Variants in MYRIP observed in about 807,000 individuals in gnomAD.
The protein encoded by MYRIP is myosin VIIA and Rab interacting protein.
MYRIP carries 49 observed loss-of-function variants against 98.0 expected under a neutral mutation model. That is an observed-to-expected ratio of 0.50 (90% CI 0.40 to 0.63). The LOEUF (loss-of-function observed/expected upper bound fraction) is 0.63, where lower values mean the gene tolerates loss of function less well. Among genes scored for constraint, MYRIP ranks in the 30% least tolerant of loss-of-function variants. MYRIP has a pLI of 0.00. For missense variants in MYRIP, 1,004 were observed against 1,058.2 expected (o/e 0.95, Z 0.71); for synonymous variants, 404 against 409.5 (o/e 0.99, Z 0.16).
At chr3:40,065,627 G>T (rs541651950) in intron 3 of MYRIP, among the ~76,000 whole-genome samples, 2 of 152,180 alleles carry the variant, frequency 1.3e-5, no homozygotes, top group Non-Finnish European at 2.9e-5. Context: ...TGTTACATAG[G>T]CATGTGACAT....
At chr3:40,232,524 A>T (rs1403876349) in intron 11 of MYRIP, among the ~76,000 whole-genome samples, 1 of 152,236 alleles carries the variant, frequency 6.6e-6, no homozygotes, top group African/African-American at 2.4e-5. Context: ...TGGGTCAGAT[A>T]GGTACCTTGG....
At chr3:39,904,528 G>A (rs569784764) in intron 2 of MYRIP, among the ~76,000 whole-genome samples, 17 of 152,090 alleles carry the variant, frequency 1.1e-4, no homozygotes, top group Non-Finnish European at 2.1e-4. Context: ...GAGCCACTGC[G>A]CCTGGTCGTG....
At position 40,084,136 on chromosome 3, in the gene MYRIP, C is replaced by CAAAA. The variant is rs753167019; in HGVS notation, c.332+39890_332+39893dup. 7.3e-4 allele frequency among the ~76,000 whole-genome samples: 40 copies of CAAAA among 55,074 alleles called. 2 individuals are homozygous for CAAAA. Among genetic ancestry groups the CAAAA allele is most frequent in the African/African-American group, 3.0e-3 (37 of 12,432 alleles). 36.1% of individuals were successfully genotyped at this position (55,074 alleles called of 152,430 possible). A position where few individuals can be genotyped will look rare whatever the true frequency, so the allele number is the denominator to read the frequency against. ...TGGGCAACAGATCGAGACTCCATCT[C>CAAAA]AAAAAAAAAAAAAAAAAAAAAAAAA... On this transcript the variant is annotated intron_variant, in intron 3 of 16. Transcript: ENST00000302541.
chr3:39,978,512 T>C (rs561338128), intron 2 of MYRIP, among the ~76,000 whole-genome samples: 2 of 152,346 alleles, frequency 1.3e-5, no homozygotes, highest in African/African-American at 4.8e-5. Flanking sequence ...AAATGCATCC[T>C]GTCTCTCTCA....
chr3:39,918,738 TG>T (rs1261884286), intron 2 of MYRIP, among the ~76,000 whole-genome samples: 1 of 152,152 alleles, frequency 6.6e-6, no homozygotes, highest in Admixed American at 6.5e-5. Context: ...ACAGAAAGAA[TG>T]GGGACTCAGA....
chr3:40,167,967 T>C (rs560387014), intron 7 of MYRIP, among the ~76,000 whole-genome samples: 2 of 152,332 alleles, frequency 1.3e-5, no homozygotes, highest in East Asian at 3.9e-4. Context: ...AAGGTTTCTG[T>C]GCCTTGTTGT....
intron 4 of MYRIP, among the ~76,000 whole-genome samples, chr3:40,161,949 G>C (rs1237485745): frequency 6.6e-6 from 1 of 152,060 alleles, no homozygotes; most frequent in Non-Finnish European, 1.5e-5. Flanking sequence ...TGTGTCCCCA[G>C]GTCACCTCAC....
Position 40,136,336 on chromosome 3 carries a change from A to G in MYRIP, c.333-14712A>G, listed in dbSNP as rs564484530. ...ATCAATTCAACAAGAAGAACTAACT[A>G]TCCTAAATATATATGCACCCAATAC... is the stretch of plus-strand genomic sequence containing the variant. On this transcript the variant is annotated intron_variant, in intron 3 of 16. Coordinates refer to ENST00000302541, the MANE Select transcript of MYRIP (RefSeq NM_015460.4). 1.3e-4 allele frequency among the ~76,000 whole-genome samples: 20 copies of G among 152,342 alleles called. No individual in the cohort carries two copies. In the East Asian group the frequency reaches 3.9e-3, roughly 29 times the overall value.
intron 2 of MYRIP, among the ~76,000 whole-genome samples, chr3:40,022,391 T>G (rs181810913): frequency 6.6e-6 from 1 of 152,104 alleles, no homozygotes; most frequent in East Asian, 1.9e-4. Context: ...GAAATGTGAG[T>G]CTTCAAGGAA....
intron 8 of MYRIP, among the ~76,000 whole-genome samples, chr3:40,180,106 T>G (rs1322580114): frequency 6.6e-6 from 1 of 152,170 alleles, no homozygotes; most frequent in Non-Finnish European, 1.5e-5. Flanking sequence ...GGGTCAGTGC[T>G]TGCTGTGCCC....
At chr3:39,990,539 T>C (rs1341622087) in intron 2 of MYRIP, among the ~76,000 whole-genome samples, 1 of 152,182 alleles carries the variant, frequency 6.6e-6, no homozygotes, top group East Asian at 1.9e-4. Context: ...GTCTATTAGG[T>C]ATCTGGAAAA....
chr3:40,019,855 C>G (rs1946952334), intron 2 of MYRIP, among the ~76,000 whole-genome samples: 1 of 151,858 alleles, frequency 6.6e-6, no homozygotes, highest in South Asian at 2.1e-4. Flanking sequence ...GGAAAGAAAA[C>G]TTTTTGGGCA....
intron 2 of MYRIP, among the ~76,000 whole-genome samples, chr3:40,005,763 A>T (rs564001822): frequency 1.3e-5 from 2 of 152,228 alleles, no homozygotes; most frequent in South Asian, 2.1e-4. Context: ...AACACCATAT[A>T]TATAATATCA....
intron 2 of MYRIP, among the ~76,000 whole-genome samples, chr3:39,922,488 T>C (rs1575381886): frequency 6.6e-6 from 1 of 152,104 alleles, no homozygotes. Flanking sequence ...ACAAGGAAGC[T>C]CCCTCCCAGC....
chr3:40,053,050 C>T (rs1451181159), intron 3 of MYRIP, among the ~76,000 whole-genome samples: 1 of 152,002 alleles, frequency 6.6e-6, no homozygotes, highest in Non-Finnish European at 1.5e-5. Context: ...ATTTAGTTTC[C>T]AAGTTTTCCA....
chr3:40,177,803 G>A (rs903430513), intron 8 of MYRIP, among the ~76,000 whole-genome samples: 1 of 152,038 alleles, frequency 6.6e-6, no homozygotes, highest in Non-Finnish European at 1.5e-5. Context: ...TGACACCAGG[G>A]ACCAGACACT....
intron 3 of MYRIP, among the ~76,000 whole-genome samples, chr3:40,077,914 GCGCCC>G (rs1469131082): frequency 3.2e-5 from 4 of 123,890 alleles, no homozygotes; most frequent in African/African-American, 1.3e-4. Context: ...CCCGCGCCCT[GCGCCC>G]TGCGCCCGCA....
At chr3:40,145,540 C>T (rs1949990170) in intron 3 of MYRIP, among the ~76,000 whole-genome samples, 1 of 152,176 alleles carries the variant, frequency 6.6e-6, no homozygotes, top group Admixed American at 6.5e-5. Context: ...TGCCATGGAC[C>T]AGTTGGCGAC....
chr3:40,030,860 G>A (rs1304146961), intron 2 of MYRIP, among the ~76,000 whole-genome samples: 1 of 152,092 alleles, frequency 6.6e-6, no homozygotes, highest in Non-Finnish European at 1.5e-5. Flanking sequence ...ATTTCTTTTT[G>A]ATGCGATGAA....
Sources: gnomAD v4.1 joint callset for allele counts (sites outside exome capture counted in the v4.1 genomes callset) on GRCh38, gnomAD v4.1.1 for gene constraint, MANE v1.5 for transcripts, NCBI Gene and HGNC (gene_info 2026-07-23, HGNC 2026-07-21) for gene names.